Variants in DGKB observed in about 807,000 individuals in gnomAD.
The protein encoded by DGKB is diacylglycerol kinase beta.
A neutral mutation model predicts 114.3 loss-of-function variants in DGKB; 67 were observed. The ratio of observed to expected loss-of-function variants is 0.59; its 90% confidence interval spans 0.48 to 0.72. The LOEUF (loss-of-function observed/expected upper bound fraction) is 0.72, where lower values mean the gene tolerates loss of function less well. Ranked by LOEUF, DGKB falls within the 30% of genes least tolerant of loss-of-function variation. The pLI is 0.00. For synonymous variants in DGKB, 398 were observed against 323.1 expected (o/e 1.23, Z -2.49); for missense variants, 907 against 975.2 (o/e 0.93, Z 0.93).
chr7:14,371,937 C>T (rs1365563271), intron 21 of DGKB, among the ~76,000 whole-genome samples: 8 of 152,154 alleles, frequency 5.3e-5, no homozygotes, highest in Non-Finnish European at 7.3e-5. Context: ...GACTAAAATG[C>T]CTCCATGGCC....
intron 13 of DGKB, among the ~76,000 whole-genome samples, chr7:14,669,117 C>T (rs1041241479): frequency 2.0e-5 from 3 of 152,202 alleles, no homozygotes; most frequent in African/African-American, 7.2e-5. Flanking sequence ...CTCACTCTAG[C>T]TAATGACCCA....
intron 21 of DGKB, among the ~76,000 whole-genome samples, chr7:14,428,498 C>G (rs1472755205): frequency 6.6e-6 from 1 of 152,110 alleles, no homozygotes; most frequent in Non-Finnish European, 1.5e-5. Flanking sequence ...TCCTTCTGCT[C>G]ATACCAATAT....
chr7:14,374,822 A>G (rs2128663378), intron 21 of DGKB, among the ~76,000 whole-genome samples: 1 of 152,244 alleles, frequency 6.6e-6, no homozygotes, highest in East Asian at 1.9e-4. Context: ...GCCTCTATCA[A>G]CTATATGTGA....
At chr7:14,437,726 T>C (rs993967214) in intron 21 of DGKB, among the ~76,000 whole-genome samples, 1 of 151,248 alleles carries the variant, frequency 6.6e-6, no homozygotes, top group African/African-American at 2.4e-5. Context: ...CAATTTATGA[T>C]ATAATTTTTA....
chr7:14,462,026 G>A (rs1425807119), intron 21 of DGKB, among the ~76,000 whole-genome samples: 1 of 152,162 alleles, frequency 6.6e-6, no homozygotes, highest in African/African-American at 2.4e-5. Flanking sequence ...CTCAATAGAT[G>A]CAGAAAAGGC....
At chr7:14,636,896 C>A (rs1409285964) in intron 13 of DGKB, among the ~76,000 whole-genome samples, 1 of 151,822 alleles carries the variant, frequency 6.6e-6, no homozygotes, top group African/African-American at 2.4e-5. Flanking sequence ...ATTACAGTAG[C>A]ATATTTTCTT....
chr7:14,589,291 G>A (rs1300019544), intron 17 of DGKB, among the ~76,000 whole-genome samples: 1 of 151,706 alleles, frequency 6.6e-6, no homozygotes, highest in Non-Finnish European at 1.5e-5. Flanking sequence ...TTTGTTTGTG[G>A]ATACATTTGG....
intron 6 of DGKB, among the ~76,000 whole-genome samples, chr7:14,704,497 G>A (rs184449461): frequency 1.5e-3 from 228 of 151,636 alleles, no homozygotes; most frequent in African/African-American, 4.8e-3. Context: ...GAGCCAAGAT[G>A]GCCGAATAGG....
At chr7:14,931,446 T>C (rs1027403270) in intron 1 of DGKB, among the ~76,000 whole-genome samples, 3 of 152,194 alleles carry the variant, frequency 2.0e-5, no homozygotes, top group Admixed American at 6.5e-5. Context: ...TGTATCTATG[T>C]TGATCTGAAA....
At position 14,215,825 on chromosome 7, in the gene DGKB, A is replaced by G. The variant is rs73679690; in HGVS notation, c.2123-37674T>C. ...TTATATGCAAATGGAAAAAGACAAG[A>G]TTTGAAAGGTATGCATTTTATTCAC... On this transcript the variant is annotated intron_variant, in intron 23 of 25. Transcript: ENST00000402815. Among the ~76,000 whole-genome samples, 583 of 152,312 alleles carry G rather than the reference A, an allele frequency of 3.8e-3. 5 individuals are homozygous for G. Among genetic ancestry groups the G allele is most frequent in the African/African-American group, 0.011 (473 of 41,568 alleles).
Position 14,737,943 on chromosome 7 carries a change from T to C in DGKB, c.169-1749A>G, listed in dbSNP as rs149345969. ...TCAATTCTAGTAGTAGAGTGAACTA[T>C]ATAACTAAAAACTCTGAGTAATATA... On this transcript the variant is annotated intron_variant, in intron 4 of 25. Coordinates refer to ENST00000402815, the MANE Select transcript of DGKB (RefSeq NM_001350709.2). Among the ~76,000 whole-genome samples the C allele has an allele frequency of 2.8e-3, 424 of 150,092 alleles. 1 individual carries two copies. Among genetic ancestry groups the C allele is most frequent in the African/African-American group, 9.6e-3 (392 of 40,952 alleles).
At chr7:14,641,690 T>C (rs186642492) in intron 13 of DGKB, among the ~76,000 whole-genome samples, 1 of 152,282 alleles carries the variant, frequency 6.6e-6, no homozygotes, top group Admixed American at 6.5e-5. Context: ...TATAGTTCAA[T>C]ATGTCTTTAG....
chr7:14,809,833 A>G (rs1263864951), intron 2 of DGKB, among the ~76,000 whole-genome samples: 1 of 152,200 alleles, frequency 6.6e-6, no homozygotes, highest in East Asian at 1.9e-4. Context: ...TCTAAACTAC[A>G]TGTATAAAAG....
chr7:14,209,689 C>T (rs1787440424), intron 23 of DGKB: 1 of 303,576 alleles, frequency 3.3e-6, no homozygotes, highest in Non-Finnish European at 6.5e-6. Flanking sequence ...AATAGTCTAT[C>T]TTCCCTAACA....
At chr7:14,767,681 AT>A (rs1333070198) in intron 2 of DGKB, among the ~76,000 whole-genome samples, 1 of 151,954 alleles carries the variant, frequency 6.6e-6, no homozygotes, top group East Asian at 1.9e-4. Flanking sequence ...GAAATTGTAT[AT>A]TTTTTTGTGT....
At chr7:14,595,216 T>C (rs1238604435) in intron 17 of DGKB, among the ~76,000 whole-genome samples, 18 of 152,054 alleles carry the variant, frequency 1.2e-4, no homozygotes, top group Admixed American at 1.2e-3. Context: ...AGGGTAAATA[T>C]AGATCCTAGG....
chr7:14,460,514 T>A (rs1832926218), intron 21 of DGKB, among the ~76,000 whole-genome samples: 1 of 151,446 alleles, frequency 6.6e-6, no homozygotes, highest in Non-Finnish European at 1.5e-5. Flanking sequence ...AAGAAGGGCA[T>A]GACATAATGG....
intron 23 of DGKB, among the ~76,000 whole-genome samples, chr7:14,296,775 T>A (rs1487575055): frequency 4.7e-5 from 7 of 150,052 alleles, no homozygotes; most frequent in African/African-American, 1.7e-4. Flanking sequence ...TTTTTTTTTT[T>A]TTTTTTTTAA....
chr7:14,684,339 A>C (rs1406709870), intron 10 of DGKB, among the ~76,000 whole-genome samples: 1 of 152,162 alleles, frequency 6.6e-6, no homozygotes, highest in Non-Finnish European at 1.5e-5. Flanking sequence ...AATTAGATTT[A>C]ATGAAATGCA....
Sources: gnomAD v4.1 joint callset for allele counts (sites outside exome capture counted in the v4.1 genomes callset) on GRCh38, gnomAD v4.1.1 for gene constraint, MANE v1.5 for transcripts, NCBI Gene and HGNC (gene_info 2026-07-23, HGNC 2026-07-21) for gene names.